The following RPS6KA4 variants were observed in gnomAD, a reference collection of about 807,000 sequenced individuals.
The protein encoded by RPS6KA4 is ribosomal protein S6 kinase alpha-4.
A neutral mutation model predicts 89.6 loss-of-function variants in RPS6KA4; 38 were observed. The observed-to-expected ratio is 0.42, with a 90% confidence interval of 0.33 to 0.56. The LOEUF is 0.56. Among genes scored for constraint, RPS6KA4 ranks in the 20% least tolerant of loss-of-function variants. RPS6KA4 has a pLI of 0.07. For synonymous variants in RPS6KA4, 495 were observed against 492.8 expected, an observed-to-expected ratio of 1.00 and a Z score of -0.06; for missense variants, 873 against 1,098.8, an observed-to-expected ratio of 0.79 and a Z score of 2.90.
At position 64,359,373 on chromosome 11, in the gene RPS6KA4, C is replaced by A. The variant is rs375050401; in HGVS notation, c.56-5C>A. ...GCTGGGCTCATTCGCCCCCTGTGCC[C>A]ACAGCCAACCTGACCGGGCACGAGG... On this transcript the variant is annotated splice_polypyrimidine_tract_variant and splice_region_variant and intron_variant, in intron 1 of 16. Coordinates refer to ENST00000334205, the MANE Select transcript of RPS6KA4 (RefSeq NM_003942.3). 2.5e-6 allele frequency: 4 copies of A among 1,613,052 alleles called. No homozygotes were observed. In the African/African-American group the frequency reaches 5.3e-5, roughly 22 times the overall value.
intron 9 of RPS6KA4, among the ~76,000 whole-genome samples, chr11:64,367,758 A>G (rs2036922491): frequency 6.6e-6 from 1 of 152,124 alleles, no homozygotes; most frequent in African/African-American, 2.4e-5. Flanking sequence ...CTTGAAAGGG[A>G]GGAATAAGTT....
At chr11:64,369,131 A>G (rs1055112058) in intron 12 of RPS6KA4, among the ~76,000 whole-genome samples, 3 of 152,002 alleles carry the variant, frequency 2.0e-5, no homozygotes, top group Non-Finnish European at 2.9e-5. Flanking sequence ...TCTCTACGAA[A>G]AATACAAAAA....
At position 64,359,427 on chromosome 11, in the gene RPS6KA4, G is replaced by T; in HGVS notation, c.105G>T (p.Leu35=). 6.2e-7 allele frequency: 1 copy of T among 1,613,602 alleles called. No individual in the cohort carries two copies. The highest frequency in any genetic ancestry group is 8.5e-7 in the Non-Finnish European group (1 of 1,179,762). Residue 35 remains leucine (L), a synonymous_variant, in exon 2 of 17, where the codon CTG becomes CTT. Transcript: ENST00000334205. ...AGGTGAGCGTGGAGAACTTCGAGCT[G>T]CTCAAGGTGCTGGGCACGGGAGGTG... ...EEKVSVENFE[L]LKVLGTGAYG...
rs777952517 is a variant in RPS6KA4, at chr11:64,371,441, G to A, written c.2280G>A (p.Gly760=). Residue 760 remains glycine (G), a synonymous_variant, in exon 17 of 17, where the codon GGG becomes GGA. Transcript: ENST00000334205. ...NPGRAPVASK[G]APRRANGPLP... ...GCCGAGCCCCCGTCGCCTCCAAAGG[G>A]GCCCCCCGCCGAGCCAACGGCCCCC... 28 of 1,584,406 alleles carry A rather than the reference G, an allele frequency of 1.8e-5. No homozygotes were observed. The South Asian group carries it at 2.4e-4, about 13-fold the overall frequency.
Position 64,361,393 on chromosome 11 carries a change from T to G in RPS6KA4, c.571-76T>G. On this transcript the variant is annotated intron_variant, in intron 5 of 16. Transcript: ENST00000334205. This position sits in a 1 kb window ranked among gnomAD's most constrained non-coding sequence, Gnocchi z 4.7. ...TCTCCAACCTCACAAGTTGAGCGAG[T>G]CTTACTCTGGGCCTTGTGGGGCACT... is the stretch of plus-strand genomic sequence containing the variant. 1 of 1,551,634 alleles carries G rather than the reference T, an allele frequency of 6.4e-7. No individual in the cohort carries two copies.
At position 64,368,112 on chromosome 11, in the gene RPS6KA4, C is replaced by A. The variant is rs775178535; in HGVS notation, c.1072-20C>A. ...CCAACCCCCATGCCCATGCCCATTC[C>A]CCGGACTCCCGCCCTGCAGGGATAC... is the stretch of plus-strand genomic sequence containing the variant. On this transcript the variant is annotated intron_variant, in intron 9 of 16. Coordinates refer to ENST00000334205, the MANE Select transcript of RPS6KA4 (RefSeq NM_003942.3). 1.9e-6 allele frequency: 3 copies of A among 1,612,394 alleles called. No individual in the cohort carries two copies. The highest frequency in any genetic ancestry group is 2.5e-6 in the Non-Finnish European group (3 of 1,179,264).
chr11:64,368,388 G>C, intron 10 of RPS6KA4, 80 bp from the exon 11 acceptor site: 1 of 1,539,790 alleles, frequency 6.5e-7, no homozygotes, highest in African/African-American at 1.4e-5. Context: ...TCTCCGACAT[G>C]GGGCGTGGCG....
Position 64,370,703 on chromosome 11 carries a change from T to C in RPS6KA4, c.2098T>C (p.Ser700Pro). The change falls in exon 16 of 17, where the codon TCG (serine) becomes CCG (proline). Residue 700 changes from serine (S) to proline (P), a missense_variant. Physicochemically the swap from Ser to Pro is moderately conservative, Grantham distance 74. This residue lies in a region of RPS6KA4 where 278 missense variants were observed against 284.8 expected (regional missense o/e 0.98). Coordinates refer to ENST00000334205, the MANE Select transcript of RPS6KA4 (RefSeq NM_003942.3). This position sits in a 1 kb window ranked among gnomAD's most constrained non-coding sequence, Gnocchi z 4.1. ...VLESSGPAVR[S>P]GLNATFMAFN... ...CGAGTCCTCTGGGCCCGCAGTGCGC[T>C]CGGGTCTCAACGCCACCTTCATGGT... 6.4e-7 allele frequency: 1 copy of C among 1,565,836 alleles called. No homozygotes were observed. The highest frequency in any genetic ancestry group is 8.6e-7 in the Non-Finnish European group (1 of 1,160,442).
chr11:64,369,933 G>C (rs961710317), intron 14 of RPS6KA4, 40 bp downstream of exon 14: 8 of 1,469,696 alleles, frequency 5.4e-6, no homozygotes, highest in South Asian at 1.3e-5. Context: ...AGGGTCGCTC[G>C]GACCTGGCGT....
At position 64,360,188 on chromosome 11, in the gene RPS6KA4, G is replaced by C; in HGVS notation, c.153G>C (p.Arg51=). 4 of 1,547,910 alleles carry C rather than the reference G, an allele frequency of 2.6e-6. No individual in the cohort carries two copies. Among genetic ancestry groups the C allele is most frequent in the Non-Finnish European group, 3.5e-6 (4 of 1,146,648 alleles). The change falls in exon 3 of 17, where the codon CGG becomes CGC. Residue 51 remains arginine (R), a synonymous_variant. Transcript: ENST00000334205. ...TGAYGKVFLV[R]KAGGHDAGKL... ...CCTACGGCAAGGTGTTCCTGGTGCG[G>C]AAGGCGGGCGGGCACGACGCGGGGA...
chr11:64,360,231 G>T lies in RPS6KA4; in HGVS notation c.196G>T (p.Val66Leu). 1 of 1,548,278 alleles carries T rather than the reference G, an allele frequency of 6.5e-7. No individual in the cohort carries two copies. Among genetic ancestry groups the T allele is most frequent in the Non-Finnish European group, 8.7e-7 (1 of 1,146,878 alleles). The change falls in exon 3 of 17, where the codon GTG becomes TTG. Residue 66 changes from valine (V) to leucine (L), a missense_variant. Coordinates refer to ENST00000334205, the MANE Select transcript of RPS6KA4 (RefSeq NM_003942.3). The stretch of plus-strand genomic sequence containing the variant: ...CGCGGGGAAGCTGTACGCCATGAAG[G>T]TGCTGCGCAAGGCGGCGCTGGTGCA... ...HDAGKLYAMK[V>L]LRKAALVQRA...
At chr11:64,360,111 G>A (rs2036702875) in intron 2 of RPS6KA4, 52 bp from the exon 3 acceptor site, 5 of 1,494,408 alleles carry the variant, frequency 3.3e-6, no homozygotes, top group Non-Finnish European at 4.5e-6. Context: ...CCCCAAGCCT[G>A]CACCAATCTC....
In RPS6KA4 at chr11:64,361,084, T is replaced by TG; in HGVS notation, c.463-46dup. On this transcript the variant is annotated intron_variant, in intron 4 of 16. Coordinates refer to ENST00000334205, the MANE Select transcript of RPS6KA4 (RefSeq NM_003942.3). The surrounding 1 kb of genome is among the most constrained non-coding windows in gnomAD (Gnocchi z 4.7). ...GAGCAGGGCCAGGAGCTGGAGGAGC[T>TG]GGGGAGGGTTTCGGGGAGGAAGCCT... 1 of 1,519,244 alleles carries TG rather than the reference T, an allele frequency of 6.6e-7. No individual in the cohort carries two copies. The highest frequency in any genetic ancestry group is 1.2e-5 in the South Asian group (1 of 86,946). The allele number at this position is 1,519,244 out of a possible 1,614,324, so 94.1% of individuals were successfully genotyped here. A position where few individuals can be genotyped will look rare whatever the true frequency, so the allele number is the denominator to read the frequency against.
chr11:64,366,221 A>T (rs2135337490), intron 9 of RPS6KA4, among the ~76,000 whole-genome samples: 1 of 143,052 alleles, frequency 7.0e-6, no homozygotes, highest in South Asian at 2.2e-4. Context: ...TCCAGGCTGG[A>T]GTGCAGTGGC....
chr11:64,370,810 G>T lies in RPS6KA4; in HGVS notation c.2121+84G>T. On this transcript the variant is annotated intron_variant, in intron 16 of 16. Transcript: ENST00000334205. This position sits in a 1 kb window ranked among gnomAD's most constrained non-coding sequence, Gnocchi z 4.1. ...GGGGAGGCCCGGCCATCGGAGCACA[G>T]AAAGGCGAGGTGAGGCCGGGCGCGG... 1 of 1,426,756 alleles carries T rather than the reference G, an allele frequency of 7.0e-7. No homozygotes were observed. The highest frequency in any genetic ancestry group is 9.2e-7 in the Non-Finnish European group (1 of 1,087,760). The allele number at this position is 1,426,756 out of a possible 1,614,324, so 88.4% of individuals were successfully genotyped here.
Position 64,361,847 on chromosome 11 carries a change from C to T in RPS6KA4, c.756-5C>T. On this transcript the variant is annotated splice_polypyrimidine_tract_variant and splice_region_variant and intron_variant, in intron 7 of 16. Coordinates refer to ENST00000334205, the MANE Select transcript of RPS6KA4 (RefSeq NM_003942.3). This position sits in a 1 kb window ranked among gnomAD's most constrained non-coding sequence, Gnocchi z 4.7. ...CTGCCCCTGACACCCCCCCAATCCT[C>T]CCAGACGGATCCTGAAGTGCTCCCC... The T allele has an allele frequency of 6.2e-7, 1 of 1,611,136 alleles. No homozygotes were observed. The highest frequency in any genetic ancestry group is 8.5e-7 in the Non-Finnish European group (1 of 1,179,204).
Position 64,370,774 on chromosome 11 carries a change from AGGT to A in RPS6KA4, c.2121+51_2121+53del. 6.8e-7 allele frequency: 1 copy of A among 1,473,828 alleles called. No individual in the cohort carries two copies. The highest frequency in any genetic ancestry group is 9.0e-7 in the Non-Finnish European group (1 of 1,111,538). 91.3% of individuals were successfully genotyped at this position (1,473,828 alleles called of 1,614,324 possible). On this transcript the variant is annotated intron_variant, in intron 16 of 16. Coordinates refer to ENST00000334205, the MANE Select transcript of RPS6KA4 (RefSeq NM_003942.3). This position sits in a 1 kb window ranked among gnomAD's most constrained non-coding sequence, Gnocchi z 4.1. ...GGGAAGGGGTGGGCGAAGCCTCGAG[AGGT>A]GGGGTCTGGGGAGGCCCGGCCATCG... is the stretch of plus-strand genomic sequence containing the variant.
At position 64,369,439 on chromosome 11, in the gene RPS6KA4, C is replaced by G; in HGVS notation, c.1429-7C>G. 6.3e-7 allele frequency: 1 copy of G among 1,588,416 alleles called. No individual in the cohort carries two copies. Among genetic ancestry groups the G allele is most frequent in the Non-Finnish European group, 8.5e-7 (1 of 1,169,834 alleles). Reference sequence around the variant, plus strand: ...GTGTTGACCTTGGCCCGCCACGCCGCCCGCAGCTGCACACGTACCTGGTCC... The same window carrying G: ...GTGTTGACCTTGGCCCGCCACGCCGGCCGCAGCTGCACACGTACCTGGTCC... On this transcript the variant is annotated splice_polypyrimidine_tract_variant and splice_region_variant and intron_variant, in intron 12 of 16. Transcript: ENST00000334205.
Position 64,361,988 on chromosome 11 carries a change from C to A in RPS6KA4, c.892C>A (p.His298Asn). Reference protein sequence around the residue: ...GPQGAQEVRNHPFFQGLDWVA... With the variant: ...GPQGAQEVRNNPFFQGLDWVA... The stretch of plus-strand genomic sequence containing the variant: ...CCAGGGGGCACAAGAAGTCCGGAAC[C>A]ATCCCTTCTTCCAGGTGAGGCTGAC... The change falls in exon 8 of 17, where the codon CAT (histidine) becomes AAT (asparagine). Residue 298 changes from histidine to asparagine, a missense_variant. Coordinates refer to ENST00000334205, the MANE Select transcript of RPS6KA4 (RefSeq NM_003942.3). The surrounding 1 kb of genome is among the most constrained non-coding windows in gnomAD (Gnocchi z 4.7). 6.2e-7 allele frequency: 1 copy of A among 1,609,586 alleles called. No individual in the cohort carries two copies. Among genetic ancestry groups the A allele is most frequent in the Non-Finnish European group, 8.5e-7 (1 of 1,178,676 alleles).
Sources: allele counts gnomAD v4.1 joint callset (sites outside exome capture counted in the v4.1 genomes callset), GRCh38; gene constraint gnomAD v4.1.1; regional missense constraint gnomAD v4.1.1; non-coding constraint Gnocchi (gnomAD v3.1); transcripts MANE v1.5; gene names NCBI Gene and HGNC (gene_info 2026-07-23, HGNC 2026-07-21).